The following EEF1A2 variants were observed in gnomAD, a reference collection of about 807,000 sequenced individuals.
The protein encoded by EEF1A2 is elongation factor 1-alpha 2.
EEF1A2 carries 5 observed loss-of-function variants against 39.3 expected under a neutral mutation model. That is an observed-to-expected ratio of 0.13 (90% CI 0.07 to 0.27). The LOEUF (loss-of-function observed/expected upper bound fraction) is 0.27. Among genes scored for constraint, EEF1A2 ranks in the 10% least tolerant of loss-of-function variants. EEF1A2 has a pLI of 1.00. For synonymous variants in EEF1A2, 287 were observed against 293.7 expected (o/e 0.98, Z 0.23); for missense variants, 218 against 681.4 (o/e 0.32, Z 7.57).
At position 63,495,115 on chromosome 20, in the gene EEF1A2, GAC is replaced by G; in HGVS notation, c.325-16_325-15del. 1.2e-6 allele frequency: 2 copies of G among 1,603,242 alleles called. No homozygotes were observed. The highest frequency in any genetic ancestry group is 1.1e-5 in the South Asian group (1 of 90,900). On this transcript the variant is annotated splice_polypyrimidine_tract_variant and intron_variant, in intron 3 of 7. Coordinates refer to ENST00000217182, the MANE Select transcript of EEF1A2 (RefSeq NM_001958.5). ...TGCGCAGTCCGCCTGCCCGGCAGGG[GAC>G]ACAGTGAGCCCTGCCCCGCCTGCCT...
chr20:63,489,052 T>G lies in EEF1A2; in HGVS notation c.1130A>C (p.Glu377Ala), dbSNP rs756386330. 1.9e-6 allele frequency: 3 copies of G among 1,612,774 alleles called. No homozygotes were observed. Among genetic ancestry groups the G allele is most frequent in the Non-Finnish European group, 2.5e-6 (3 of 1,179,932 alleles). ...HIACKFAELK[E>A]KIDRRSGKKL... ...CTTGCCAGAGCGCCGGTCAATCTTC[T>G]CCTTCAGCTCCGCAAACTTGCAGGC... The change falls in exon 7 of 8, where the codon GAG becomes GCG. Residue 377 changes from glutamate (E) to alanine (A), a missense_variant. Transcript: ENST00000217182.
intron 5 of EEF1A2, 128 bp downstream of exon 5, chr20:63,493,009 C>A (rs2082398231): frequency 7.7e-7 from 1 of 1,294,062 alleles, no homozygotes; most frequent in East Asian, 2.7e-5. Context: ...GATGGACTGT[C>A]CCACAGAAAG....
In EEF1A2 at chr20:63,497,924, C is replaced by T. The variant is rs1308114012; in HGVS notation, c.-71-90G>A. The T allele has an allele frequency of 5.2e-6, 5 of 964,658 alleles. No individual in the cohort carries two copies. Among genetic ancestry groups the T allele is most frequent in the South Asian group, 3.5e-5 (2 of 56,412 alleles). The allele number at this position is 964,658 out of a possible 1,614,324, so 59.8% of individuals were successfully genotyped here. A position where few individuals can be genotyped will look rare whatever the true frequency, so the allele number is the denominator to read the frequency against. On this transcript the variant is annotated intron_variant, in intron 1 of 7. Transcript: ENST00000217182. The surrounding 1 kb of genome is among the most constrained non-coding windows in gnomAD (Gnocchi z 7.3). The stretch of plus-strand genomic sequence containing the variant: ...ACTGTCCTGGCACAGGCTGGACAGG[C>T]ATCCCTGCCCACAAACCAAGCCCCC...
intron 7 of EEF1A2, 129 bp downstream of exon 7, chr20:63,488,789 C>A: frequency 9.5e-7 from 1 of 1,057,796 alleles, no homozygotes; most frequent in African/African-American, 1.6e-5. Context: ...TCCTGCCATG[C>A]TCTGGGCCAA....
At chr20:63,488,575 C>A in intron 7 of EEF1A2, 150 bp from the exon 8 acceptor site, 1 of 1,107,118 alleles carries the variant, frequency 9.0e-7, no homozygotes, top group Non-Finnish European at 1.2e-6. Context: ...CGGCCGGCCT[C>A]GCGGGAGTCC....
At position 63,490,698 on chromosome 20, in the gene EEF1A2, G is replaced by A; in HGVS notation, c.810C>T (p.Gly270=). The change falls in exon 6 of 8, where the codon GGC becomes GGT. Residue 270 remains glycine, a synonymous_variant. Transcript: ENST00000217182. ...TCACCACCATGCCCGGCCGCAGGAT[G>A]CCGGTCTCCACCCGGCCCACGGGCA... ...GTVPVGRVET[G]ILRPGMVVTF... The A allele has an allele frequency of 3.1e-6, 5 of 1,607,744 alleles. No individual in the cohort carries two copies. Among genetic ancestry groups the A allele is most frequent in the Non-Finnish European group, 4.2e-6 (5 of 1,178,722 alleles).
In EEF1A2 at chr20:63,498,972, A is replaced by G. The variant is rs2082431358; in HGVS notation, c.-72+86T>C. The G allele has an allele frequency of 6.8e-6, 1 of 147,366 alleles. No homozygotes were observed. The highest frequency in any genetic ancestry group is 2.1e-4 in the East Asian group (1 of 4,876). The allele number at this position is 147,366 out of a possible 1,614,324, so 9.1% of individuals were successfully genotyped here. A position where few individuals can be genotyped will look rare whatever the true frequency, so the allele number is the denominator to read the frequency against. Reference sequence around the variant, plus strand: ...GCGGGGGCGGGTGCGGGGCCCGGCCACCCTCTGCCCCCCAGGACCGGCCCC... The same window carrying G: ...GCGGGGGCGGGTGCGGGGCCCGGCCGCCCTCTGCCCCCCAGGACCGGCCCC... On this transcript the variant is annotated intron_variant, in intron 1 of 7. Coordinates refer to ENST00000217182, the MANE Select transcript of EEF1A2 (RefSeq NM_001958.5). The surrounding 1 kb of genome is among the most constrained non-coding windows in gnomAD (Gnocchi z 4.1).
chr20:63,495,167 C>T, intron 3 of EEF1A2, 66 bp from the exon 4 acceptor site: 1 of 1,562,430 alleles, frequency 6.4e-7, no homozygotes, highest in African/African-American at 1.3e-5. Context: ...CGAGCCTGGC[C>T]CCACCTCACT....
At position 63,491,103 on chromosome 20, in the gene EEF1A2, T is replaced by C. The variant is rs376166297; in HGVS notation, c.773-368A>G. Among the ~76,000 whole-genome samples the C allele has an allele frequency of 3.0e-3, 453 of 152,294 alleles. 4 individuals are homozygous for C. In the South Asian group the frequency reaches 0.032, roughly 11 times the overall value. ...GCACTTTCCCTCAAAGGAGGCACTA[T>C]GGGACCCCTCCTTTGTCTGAGGACT... On this transcript the variant is annotated intron_variant, in intron 5 of 7. Coordinates refer to ENST00000217182, the MANE Select transcript of EEF1A2 (RefSeq NM_001958.5).
chr20:63,498,051 C>A lies in EEF1A2; in HGVS notation c.-71-217G>T. The A allele has an allele frequency of 3.0e-6, 1 of 337,798 alleles. No individual in the cohort carries two copies. The highest frequency in any genetic ancestry group is 5.4e-6 in the Non-Finnish European group (1 of 184,814). 20.9% of individuals were successfully genotyped at this position (337,798 alleles called of 1,614,324 possible). A position where few individuals can be genotyped will look rare whatever the true frequency, so the allele number is the denominator to read the frequency against. ...ACCCCACACTTGAGCCCAAACAGCC[C>A]CATCTGCTGTAAATAACTGGGCGTT... On this transcript the variant is annotated intron_variant, in intron 1 of 7. Coordinates refer to ENST00000217182, the MANE Select transcript of EEF1A2 (RefSeq NM_001958.5). The surrounding 1 kb of genome is among the most constrained non-coding windows in gnomAD (Gnocchi z 4.1).
intron 4 of EEF1A2, among the ~76,000 whole-genome samples, chr20:63,494,587 G>A (rs533001426): frequency 1.1e-4 from 16 of 152,372 alleles, no homozygotes; most frequent in East Asian, 1.9e-4. Context: ...CCGGCCAGCC[G>A]CGTGGGAGGC....
rs76041667 is a variant in EEF1A2, at chr20:63,490,858, G to T, written c.773-123C>A. On this transcript the variant is annotated intron_variant, in intron 5 of 7. Coordinates refer to ENST00000217182, the MANE Select transcript of EEF1A2 (RefSeq NM_001958.5). ...CTGGATCCCCCCGACAGGCCTGGGG[G>T]TTGGGGCCACATGGGCGGAGTGCAG... 0.37 allele frequency: 448,788 copies of T among 1,220,730 alleles called. 87,357 individuals are homozygous for T. Among genetic ancestry groups the T allele is most frequent in the East Asian group, 0.49 (19,181 of 38,968 alleles). The allele number at this position is 1,220,730 out of a possible 1,614,324, so 75.6% of individuals were successfully genotyped here. A position where few individuals can be genotyped will look rare whatever the true frequency, so the allele number is the denominator to read the frequency against.
At chr20:63,488,867 T>C (rs1272269585) in intron 7 of EEF1A2, 51 bp downstream of exon 7, 9 of 1,588,348 alleles carry the variant, frequency 5.7e-6, no homozygotes, top group Admixed American at 1.7e-5. Flanking sequence ...GCCCTCAGCC[T>C]GGATCAGCCA....
In EEF1A2 at chr20:63,497,384, A is replaced by T; in HGVS notation, c.144+236T>A. On this transcript the variant is annotated intron_variant, in intron 2 of 7. Coordinates refer to ENST00000217182, the MANE Select transcript of EEF1A2 (RefSeq NM_001958.5). This position sits in a 1 kb window ranked among gnomAD's most constrained non-coding sequence, Gnocchi z 7.3. ...CAGACCCTCCCAGGTCACCTCCCTCACCACAGGGCAAGTCCGGCAGCTCGA... is the reference window on the plus strand; with the variant it reads ...CAGACCCTCCCAGGTCACCTCCCTCTCCACAGGGCAAGTCCGGCAGCTCGA... 1 of 519,478 alleles carries T rather than the reference A, an allele frequency of 1.9e-6. No homozygotes were observed. The highest frequency in any genetic ancestry group is 3.2e-6 in the Non-Finnish European group (1 of 309,544). The allele number at this position is 519,478 out of a possible 1,614,324, so 32.2% of individuals were successfully genotyped here.
At position 63,490,352 on chromosome 20, in the gene EEF1A2, A is replaced by C. The variant is rs550785848; in HGVS notation, c.1029+127T>G. 20 of 1,280,372 alleles carry C rather than the reference A, an allele frequency of 1.6e-5. No individual in the cohort carries two copies. In the African/African-American group the frequency reaches 2.2e-4, roughly 14 times the overall value. The allele number at this position is 1,280,372 out of a possible 1,614,324, so 79.3% of individuals were successfully genotyped here. On this transcript the variant is annotated intron_variant, in intron 6 of 7. Transcript: ENST00000217182. ...AGTGCTGGGATTACAGGCGTGAACC[A>C]CTGCGCCCAGCCTGAGGGTCTGGTT...
At chr20:63,495,464 C>T (rs1212640613) in intron 3 of EEF1A2, among the ~76,000 whole-genome samples, 1 of 152,188 alleles carries the variant, frequency 6.6e-6, no homozygotes, top group African/African-American at 2.4e-5. Context: ...GGTGCTGTGT[C>T]TGGGGTGTCC....
chr20:63,493,106 G>A (rs12480745), intron 5 of EEF1A2, 31 bp downstream of exon 5: 1 of 1,540,420 alleles, frequency 6.5e-7, no homozygotes. Flanking sequence ...AGCTGGCCAG[G>A]CAGGAGCTCC....
chr20:63,492,350 GTCAATA>G (rs2082388766), intron 5 of EEF1A2, among the ~76,000 whole-genome samples: 1 of 148,690 alleles, frequency 6.7e-6, no homozygotes, highest in African/African-American at 2.5e-5. Context: ...GGATGGGTGG[GTCAATA>G]GATGGATGGA....
intron 4 of EEF1A2, 49 bp downstream of exon 4, chr20:63,494,756 G>A (rs2145944641): frequency 1.9e-6 from 3 of 1,571,850 alleles, no homozygotes; most frequent in East Asian, 4.6e-5. Flanking sequence ...CTCTGGGCCA[G>A]GGGGTCCAGC....
Sources: gnomAD v4.1 joint callset for allele counts (sites outside exome capture counted in the v4.1 genomes callset) on GRCh38, gnomAD v4.1.1 for gene constraint, Gnocchi (gnomAD v3.1) non-coding constraint, MANE v1.5 for transcripts, NCBI Gene and HGNC (gene_info 2026-07-23, HGNC 2026-07-21) for gene names.